Variants in ZBTB41 observed in about 807,000 individuals in gnomAD.
ZBTB41 encodes the protein zinc finger and BTB domain containing 41.
A neutral mutation model predicts 87.6 loss-of-function variants in ZBTB41; 42 were observed. The observed-to-expected ratio is 0.48, with a 90% CI of 0.37 to 0.62. The LOEUF (loss-of-function observed/expected upper bound fraction) is 0.62. Ranked by LOEUF, ZBTB41 falls within the 20% of genes least tolerant of loss-of-function variation. The pLI is 0.00. For missense variants in ZBTB41, 799 were observed against 1,078.9 expected, an observed-to-expected ratio of 0.74 and a Z score of 3.63; for synonymous variants, 364 against 364.0, an observed-to-expected ratio of 1.00 and a Z score of 0.00.
intron 10 of ZBTB41, among the ~76,000 whole-genome samples, chr1:197,163,222 C>A (rs1252724503): frequency 1.3e-5 from 2 of 152,142 alleles, no homozygotes; most frequent in Admixed American, 6.5e-5. Flanking sequence ...AAATTTAAAT[C>A]TAACTGGAAG....
intron 5 of ZBTB41, 109 bp from the exon 6 acceptor site, chr1:197,181,226 A>G: frequency 1.1e-6 from 1 of 925,654 alleles, no homozygotes; most frequent in Non-Finnish European, 1.5e-6. Flanking sequence ...TGCATATGTC[A>G]TAATACACTG....
At position 197,158,822 on chromosome 1, in the gene ZBTB41, G is replaced by A. The variant is rs1403825255; in HGVS notation, c.*537C>T. 1 of 152,608 alleles carries A rather than the reference G, an allele frequency of 6.6e-6. No homozygotes were observed. Among genetic ancestry groups the A allele is most frequent in the Non-Finnish European group, 1.5e-5 (1 of 68,440 alleles). The allele number at this position is 152,608 out of a possible 1,614,324, so 9.5% of individuals were successfully genotyped here. Reference sequence around the variant, plus strand: ...GATAACCTAAAATTATGTATGAATGGAAAGACAACACAGAAATATCCAAGG... The same window carrying A: ...GATAACCTAAAATTATGTATGAATGAAAAGACAACACAGAAATATCCAAGG... On this transcript the variant is annotated 3_prime_UTR_variant, in exon 11 of 11. Transcript: ENST00000367405.
intron 6 of ZBTB41, 89 bp downstream of exon 6, chr1:197,180,897 TTA>T (rs1169331168): frequency 1.5e-6 from 2 of 1,376,224 alleles, no homozygotes; most frequent in African/African-American, 3.0e-5. Context: ...ATTTTGTGTC[TTA>T]TGTTACCCTA....
intron 2 of ZBTB41, among the ~76,000 whole-genome samples, 185 bp from the exon 3 acceptor site, chr1:197,192,084 C>T (rs1055726431): frequency 2.6e-5 from 4 of 151,736 alleles, no homozygotes; most frequent in Non-Finnish European, 5.9e-5. Flanking sequence ...CTATTTTGTG[C>T]TTCCTGTTCA....
chr1:197,183,413 A>G (rs1175627105), intron 5 of ZBTB41, among the ~76,000 whole-genome samples: 2 of 152,184 alleles, frequency 1.3e-5, no homozygotes, highest in African/African-American at 4.8e-5. Context: ...CAGACTCAGA[A>G]AACAAGGCTG....
chr1:197,163,258 A>G (rs1659241444), intron 10 of ZBTB41, among the ~76,000 whole-genome samples: 2 of 152,188 alleles, frequency 1.3e-5, no homozygotes, highest in Non-Finnish European at 2.9e-5. Flanking sequence ...GGCTTCTGTA[A>G]TTTTTAACTC....
intron 5 of ZBTB41, among the ~76,000 whole-genome samples, chr1:197,182,187 T>G (rs1383336370): frequency 6.6e-6 from 1 of 152,152 alleles, no homozygotes; most frequent in Admixed American, 6.6e-5. Context: ...AAATGTGTGG[T>G]TAGTCAAAGA....
chr1:197,169,581 G>C (rs962596235), intron 10 of ZBTB41, among the ~76,000 whole-genome samples: 2 of 151,974 alleles, frequency 1.3e-5, no homozygotes, highest in African/African-American at 4.8e-5. Context: ...GAGCCATAGA[G>C]AATCCTTCTG....
Position 197,154,498 on chromosome 1 carries a change from A to T in ZBTB41, c.*4861T>A, listed in dbSNP as rs1428873434. The stretch of plus-strand genomic sequence containing the variant: ...AAGTTGAAACATGAGTAAACAAAAC[A>T]TAAGCACTCTCTCTACAAAAACCTT... On this transcript the variant is annotated 3_prime_UTR_variant, in exon 11 of 11. Coordinates refer to ENST00000367405, the MANE Select transcript of ZBTB41 (RefSeq NM_194314.3). 6.6e-6 allele frequency: 1 copy of T among 152,142 alleles called. No individual in the cohort carries two copies. The highest frequency in any genetic ancestry group is 2.4e-5 in the African/African-American group (1 of 41,466). 9.4% of individuals were successfully genotyped at this position (152,142 alleles called of 1,614,324 possible). A position where few individuals can be genotyped will look rare whatever the true frequency, so the allele number is the denominator to read the frequency against.
rs1660043911 is a variant in ZBTB41 at position 197,191,841 on chromosome 1, A to G, written c.1179T>C (p.Ile393=). 2.5e-6 allele frequency: 4 copies of G among 1,613,736 alleles called. No homozygotes were observed. Among genetic ancestry groups the G allele is most frequent in the Admixed American group, 1.7e-5 (1 of 59,986 alleles). The change falls in exon 3 of 11, where the codon ATT becomes ATC. Residue 393 remains isoleucine, a synonymous_variant. Transcript: ENST00000367405. ...ACTTTGTTGAATAGCGCTGGTGACA[A>G]ATATCACACTCAAAGGGCTTCTCAC... ...HTGEKPFECD[I]CHQRYSTKSN... is the part of the protein sequence containing the mutation.
At chr1:197,187,929 A>C (rs1659924920) in intron 5 of ZBTB41, among the ~76,000 whole-genome samples, 1 of 152,216 alleles carries the variant, frequency 6.6e-6, no homozygotes, top group Non-Finnish European at 1.5e-5. Context: ...ATTCTGTATG[A>C]TACTATAATG....
At chr1:197,193,247 T>A (rs1466091597) in intron 2 of ZBTB41, among the ~76,000 whole-genome samples, 1 of 151,910 alleles carries the variant, frequency 6.6e-6, no homozygotes, top group East Asian at 1.9e-4. Context: ...ACTTAAAACA[T>A]CCTGGCACAG....
chr1:197,185,241 A>G (rs970974475), intron 5 of ZBTB41, among the ~76,000 whole-genome samples: 1 of 152,228 alleles, frequency 6.6e-6, no homozygotes, highest in African/African-American at 2.4e-5. Flanking sequence ...TGACATCTAT[A>G]AATTTCATAA....
chr1:197,192,027 GA>G (rs1456894625), intron 2 of ZBTB41, 128 bp from the exon 3 acceptor site: 1 of 642,714 alleles, frequency 1.6e-6, no homozygotes, highest in African/African-American at 1.9e-5. Context: ...CACAAAACTA[GA>G]AAAAAGTTTA....
At chr1:197,190,694 A>T in intron 4 of ZBTB41, 68 bp downstream of exon 4, 1 of 923,088 alleles carries the variant, frequency 1.1e-6, no homozygotes, top group Non-Finnish European at 1.7e-6. Context: ...AAACCTAATT[A>T]CTTTACTTCC....
intron 5 of ZBTB41, among the ~76,000 whole-genome samples, chr1:197,185,113 C>T (rs890866323): frequency 2.6e-5 from 4 of 152,080 alleles, no homozygotes; most frequent in African/African-American, 9.7e-5. Context: ...CGCACACAGC[C>T]TAACTTTGTA....
At chr1:197,186,912 A>C (rs1659900618) in intron 5 of ZBTB41, among the ~76,000 whole-genome samples, 1 of 151,994 alleles carries the variant, frequency 6.6e-6, no homozygotes. Context: ...TGGGCCAAAG[A>C]CTGAACAGAC....
intron 10 of ZBTB41, among the ~76,000 whole-genome samples, chr1:197,170,433 C>T (rs1659450876): frequency 6.6e-6 from 1 of 152,008 alleles, no homozygotes; most frequent in African/African-American, 2.4e-5. Context: ...CTCAGCAATT[C>T]TGCTTCCTTG....
At chr1:197,189,017 G>C (rs1007295107) in intron 4 of ZBTB41, among the ~76,000 whole-genome samples, 1 of 152,188 alleles carries the variant, frequency 6.6e-6, no homozygotes, top group Non-Finnish European at 1.5e-5. Flanking sequence ...CTGTGAGATA[G>C]ATGCAACTGG....
Sources: allele counts gnomAD v4.1 joint callset (sites outside exome capture counted in the v4.1 genomes callset), GRCh38; gene constraint gnomAD v4.1.1; transcripts MANE v1.5; gene names NCBI Gene and HGNC (gene_info 2026-07-23, HGNC 2026-07-21).